WWOX: variants seen among roughly 807,000 people sequenced by gnomAD.
WWOX encodes WW domain containing oxidoreductase, also known as WW domain-containing oxidoreductase.
A neutral mutation model predicts 46.2 loss-of-function variants in WWOX; 69 were observed. The observed-to-expected ratio is 1.49, with a 90% confidence interval of 1.23 to 1.82. The LOEUF is 1.82. Among genes scored for constraint, WWOX ranks in the 40% most tolerant of loss-of-function variants. The pLI is 0.00. For missense variants in WWOX, 919 were observed against 542.6 expected (o/e 1.69, Z -6.89); for synonymous variants, 359 against 202.6 (o/e 1.77, Z -6.56).
At chr16:78,828,449 TC>T (rs1205318072) in intron 8 of WWOX, among the ~76,000 whole-genome samples, 1 of 152,096 alleles carries the variant, frequency 6.6e-6, no homozygotes, top group Non-Finnish European at 1.5e-5. Context: ...GTGTTACTGT[TC>T]CCTGCCATCT....
intron 8 of WWOX, among the ~76,000 whole-genome samples, chr16:79,123,842 A>G (rs1212537902): frequency 6.6e-6 from 1 of 152,202 alleles, no homozygotes; most frequent in African/African-American, 2.4e-5. Context: ...GTGAATCAAG[A>G]GAAACTGATT....
intron 8 of WWOX, among the ~76,000 whole-genome samples, chr16:78,636,430 G>C (rs2046572638): frequency 6.6e-6 from 1 of 152,122 alleles, no homozygotes; most frequent in Admixed American, 6.5e-5. Flanking sequence ...CAGTTGATTG[G>C]GGAATAGTTG....
At chr16:78,524,509 C>G (rs1404989406) in intron 8 of WWOX, among the ~76,000 whole-genome samples, 2 of 151,996 alleles carry the variant, frequency 1.3e-5, no homozygotes, top group South Asian at 2.1e-4. Context: ...CAGCCTCTGC[C>G]TCCCGTGTCC....
chr16:78,790,638 C>T lies in WWOX; in HGVS notation c.1056+357886C>T, dbSNP rs747006269. ...GGCAGATTAATTTTCTTTCTTTCTTCACCCATGCCTTGGACATGAAACACA... is the reference window on the plus strand; with the variant it reads ...GGCAGATTAATTTTCTTTCTTTCTTTACCCATGCCTTGGACATGAAACACA... On this transcript the variant is annotated intron_variant, in intron 8 of 8. Transcript: ENST00000566780. Among the ~76,000 whole-genome samples, 13 of 152,268 alleles carry T rather than the reference C, an allele frequency of 8.5e-5. No individual in the cohort carries two copies. The South Asian group carries it at 1.0e-3, about 12-fold the overall frequency.
intron 8 of WWOX, among the ~76,000 whole-genome samples, chr16:78,835,511 C>T (rs1388383829): frequency 6.6e-6 from 1 of 152,198 alleles, no homozygotes; most frequent in Admixed American, 6.5e-5. Flanking sequence ...ATACTGAATA[C>T]CCCGTAAAAT....
intron 8 of WWOX, among the ~76,000 whole-genome samples, chr16:78,737,428 T>A (rs754463202): frequency 6.6e-6 from 1 of 152,084 alleles, no homozygotes; most frequent in African/African-American, 2.4e-5. Flanking sequence ...TGAGCCACAA[T>A]GCCCAGCCTT....
chr16:78,824,625 C>G (rs1428682046), intron 8 of WWOX, among the ~76,000 whole-genome samples: 1 of 152,126 alleles, frequency 6.6e-6, no homozygotes, highest in South Asian at 2.1e-4. Context: ...AAAGGCACTT[C>G]TTACACGGCA....
intron 8 of WWOX, among the ~76,000 whole-genome samples, chr16:78,701,544 C>G (rs573587670): frequency 6.6e-6 from 1 of 152,114 alleles, no homozygotes; most frequent in Non-Finnish European, 1.5e-5. Flanking sequence ...CCTCTCCCTA[C>G]TTTTCTCTTT....
intron 8 of WWOX, among the ~76,000 whole-genome samples, chr16:78,561,003 C>T (rs886969241): frequency 7.2e-5 from 11 of 151,986 alleles, no homozygotes; most frequent in African/African-American, 2.4e-4. Flanking sequence ...CTCTTGGGGA[C>T]AAAATAAAGG....
chr16:78,701,603 A>G (rs932305378), intron 8 of WWOX, among the ~76,000 whole-genome samples: 4 of 149,546 alleles, frequency 2.7e-5, no homozygotes, highest in African/African-American at 9.9e-5. Flanking sequence ...CTCTCCCTCC[A>G]CCCACCTGCC....
rs182241245 is a variant in WWOX at position 78,676,902 on chromosome 16, G to A, written c.1056+244150G>A. Among the ~76,000 whole-genome samples the A allele has an allele frequency of 5.3e-3, 803 of 152,228 alleles. 7 individuals are homozygous for A. The highest frequency in any genetic ancestry group is 0.031 in the Middle Eastern group (9 of 294). On this transcript the variant is annotated intron_variant, in intron 8 of 8. Transcript: ENST00000566780. The stretch of plus-strand genomic sequence containing the variant: ...TATTACTTTAATACATTATTGATAA[G>A]TTAATTTAGAAGTATCAAGTGAAAG...
chr16:78,500,960 CTGG>C (rs2085049007), intron 8 of WWOX, among the ~76,000 whole-genome samples: 1 of 152,142 alleles, frequency 6.6e-6, no homozygotes, highest in Non-Finnish European at 1.5e-5. Context: ...CTTAGGTCTG[CTGG>C]TGTTTAGCTT....
At chr16:78,869,635 C>G (rs974054028) in intron 8 of WWOX, among the ~76,000 whole-genome samples, 3 of 152,192 alleles carry the variant, frequency 2.0e-5, no homozygotes, top group African/African-American at 4.8e-5. Context: ...TGATGGGTTA[C>G]TGATTCTGCG....
chr16:78,637,157 C>T (rs953975786), intron 8 of WWOX, among the ~76,000 whole-genome samples: 7 of 152,170 alleles, frequency 4.6e-5, no homozygotes, highest in African/African-American at 1.4e-4. Context: ...GAGAAATATT[C>T]CTGTCTGTAA....
rs866265172 is a variant in WWOX at position 78,662,559 on chromosome 16, G to T, written c.1056+229807G>T. On this transcript the variant is annotated intron_variant, in intron 8 of 8. Coordinates refer to ENST00000566780, the MANE Select transcript of WWOX (RefSeq NM_016373.4). ...GTTGCAAGGATGCAGGATGAGGAAG[G>T]CAATGTGAGAAAACAGAAGGAGCAC... 2.6e-5 allele frequency among the ~76,000 whole-genome samples: 4 copies of T among 152,246 alleles called. No homozygotes were observed. The South Asian group carries it at 8.3e-4, about 32-fold the overall frequency.
chr16:78,946,683 G>T (rs2045954936), intron 8 of WWOX, among the ~76,000 whole-genome samples: 1 of 152,094 alleles, frequency 6.6e-6, no homozygotes, highest in Non-Finnish European at 1.5e-5. Context: ...CATGTTGCAG[G>T]CCTGGAAAAC....
intron 5 of WWOX, among the ~76,000 whole-genome samples, chr16:78,185,692 A>G (rs191748957): frequency 6.6e-6 from 1 of 152,158 alleles, no homozygotes; most frequent in East Asian, 1.9e-4. Flanking sequence ...TTTTACATGG[A>G]GTCTCGCTCT....
At chr16:79,164,074 G>C (rs1597436269) in intron 8 of WWOX, among the ~76,000 whole-genome samples, 1 of 152,166 alleles carries the variant, frequency 6.6e-6, no homozygotes, top group Non-Finnish European at 1.5e-5. Context: ...CACCCATTCA[G>C]TTTGCCATAT....
chr16:78,989,156 T>C (rs1369456526), intron 8 of WWOX, among the ~76,000 whole-genome samples: 1 of 152,148 alleles, frequency 6.6e-6, no homozygotes, highest in Non-Finnish European at 1.5e-5. Context: ...TGCTGAACCC[T>C]TATTGTATCT....
Sources: gnomAD v4.1 joint callset for allele counts (sites outside exome capture counted in the v4.1 genomes callset) on GRCh38, gnomAD v4.1.1 for gene constraint, MANE v1.5 for transcripts, NCBI Gene and HGNC (gene_info 2026-07-23, HGNC 2026-07-21) for gene names.